LAMP3: variants seen among roughly 807,000 people sequenced by gnomAD.
LAMP3 encodes the protein lysosome-associated membrane glycoprotein 3.
Under a neutral mutation model 34.8 loss-of-function variants are expected in LAMP3, and 26 were observed. The observed-to-expected ratio is 0.75, with a 90% CI of 0.55 to 1.04. The LOEUF is 1.04. LAMP3 is among the 50% of genes least tolerant of loss of function. The probability of loss-of-function intolerance (pLI) is 0.00; values close to 1 mark genes in which losing one functional copy is unlikely to be tolerated. For synonymous variants in LAMP3, 180 were observed against 201.9 expected (o/e 0.89, Z 0.92); for missense variants, 495 against 524.0 (o/e 0.94, Z 0.54).
chr3:183,163,375 T>C (rs960686825), upstream of LAMP3, among the ~76,000 whole-genome samples: 4 of 150,806 alleles, frequency 2.7e-5, no homozygotes, highest in African/African-American at 7.3e-5. Flanking sequence ...GGATCTCGGC[T>C]CACTGCCCTG....
chr3:183,162,842 G>T, upstream of LAMP3: 2 of 547,330 alleles, frequency 3.7e-6, no homozygotes, highest in Non-Finnish European at 6.2e-6. Context: ...CTACGGAGCA[G>T]GGAGGGGCGG....
intron 5 of LAMP3, among the ~76,000 whole-genome samples, chr3:183,124,757 G>A (rs1190605858): frequency 3.3e-5 from 5 of 151,560 alleles, no homozygotes; most frequent in African/African-American, 7.3e-5. Flanking sequence ...GCTTGAACCC[G>A]GGAGGCAGAG....
chr3:183,129,862 C>T (rs933489915), intron 5 of LAMP3, among the ~76,000 whole-genome samples: 2 of 152,140 alleles, frequency 1.3e-5, no homozygotes, highest in African/African-American at 4.8e-5. Flanking sequence ...CAGGGTCTTT[C>T]AAGAAGTCAG....
intron 5 of LAMP3, among the ~76,000 whole-genome samples, chr3:183,124,795 G>T (rs573070960): frequency 9.8e-5 from 15 of 152,306 alleles, no homozygotes. Context: ...TCACACCATT[G>T]CACTCCAGCC....
chr3:183,137,462 A>C (rs1720132232), intron 4 of LAMP3, among the ~76,000 whole-genome samples: 1 of 152,214 alleles, frequency 6.6e-6, no homozygotes, highest in Non-Finnish European at 1.5e-5. Flanking sequence ...CAGAGGACCC[A>C]ACTCTCTGGT....
Position 183,122,952 on chromosome 3 carries a change from G to A in LAMP3, c.*1129C>T, listed in dbSNP as rs900910538. Reference sequence around the variant, plus strand: ...CAAGCTCTGGCTCTGCCATCAGTTAGCCAGGTGACATTTAAGTGATTCAGT... The same window carrying A: ...CAAGCTCTGGCTCTGCCATCAGTTAACCAGGTGACATTTAAGTGATTCAGT... On this transcript the variant is annotated 3_prime_UTR_variant, in exon 6 of 6. Coordinates refer to ENST00000265598, the MANE Select transcript of LAMP3 (RefSeq NM_014398.4). 2 of 152,320 alleles carry A rather than the reference G, an allele frequency of 1.3e-5. No individual in the cohort carries two copies. Among genetic ancestry groups the A allele is most frequent in the East Asian group, 1.9e-4 (1 of 5,182 alleles). 9.4% of individuals were successfully genotyped at this position (152,320 alleles called of 1,614,324 possible).
At chr3:183,160,366 G>A (rs1720941801) in intron 1 of LAMP3, among the ~76,000 whole-genome samples, 1 of 152,176 alleles carries the variant, frequency 6.6e-6, no homozygotes, top group Non-Finnish European at 1.5e-5. Context: ...GCACAGTAGC[G>A]TAGAGCCTGA....
Position 183,153,770 on chromosome 3 carries a change from T to C in LAMP3, c.671A>G (p.Lys224Arg). ...PTLAPQPSSV[K>R]TGIYQVLNGS... ...GTTTAGAACCTGATAAATTCCAGTC[T>C]TGACTGACGATGGCTGAGGTGCAAG... The change falls in exon 2 of 6, where the codon AAG becomes AGG. Residue 224 changes from lysine to arginine, a missense_variant. Lys to Arg is a conservative substitution (Grantham distance 26). Transcript: ENST00000265598. The C allele has an allele frequency of 6.4e-7, 1 of 1,569,400 alleles. No individual in the cohort carries two copies. Among genetic ancestry groups the C allele is most frequent in the Non-Finnish European group, 8.6e-7 (1 of 1,158,448 alleles).
rs1392004642 is a variant in LAMP3, at chr3:183,153,696, G to T, written c.745C>A (p.Gln249Lys). The part of the protein sequence containing the change: ...KAEMGIQLIV[Q>K]DKESVFSPRR... Reference sequence around the variant, plus strand: ...CCCCAACTTACCGACTCCTTGTCTTGAACAATCAGCTGTATCCCCATCTCT... The same window carrying T: ...CCCCAACTTACCGACTCCTTGTCTTTAACAATCAGCTGTATCCCCATCTCT... Residue 249 changes from glutamine to lysine, a missense_variant, in exon 2 of 6, where the codon CAA becomes AAA. Coordinates refer to ENST00000265598, the MANE Select transcript of LAMP3 (RefSeq NM_014398.4). The T allele has an allele frequency of 6.6e-7, 1 of 1,516,738 alleles. No homozygotes were observed. The highest frequency in any genetic ancestry group is 1.3e-5 in the South Asian group (1 of 74,790). The allele number at this position is 1,516,738 out of a possible 1,614,324, so 94.0% of individuals were successfully genotyped here. A position where few individuals can be genotyped will look rare whatever the true frequency, so the allele number is the denominator to read the frequency against.
chr3:183,127,958 C>T (rs1041783164), intron 5 of LAMP3, among the ~76,000 whole-genome samples: 17 of 151,912 alleles, frequency 1.1e-4, no homozygotes, highest in African/African-American at 3.1e-4. Context: ...AGTGAAACCC[C>T]GTCTCTACTA....
rs1719731074 is a variant in LAMP3, at chr3:183,124,212, C to T, written c.1120G>A (p.Asp374Asn). Residue 374 changes from aspartate to asparagine, a missense_variant and splice_region_variant, in exon 6 of 6, where the codon GAT becomes AAT. Physicochemically the swap from Asp to Asn is conservative, Grantham distance 23. Coordinates refer to ENST00000265598, the MANE Select transcript of LAMP3 (RefSeq NM_014398.4). ...ATTGTGTAGTCAGACGAGCACTCAT[C>T]CACTAAGAGAGAAAACAAATACAAT... ...DFEDDHFGNVDECSSDYTIVL... is the reference protein window; with the variant it reads ...DFEDDHFGNVNECSSDYTIVL... The T allele has an allele frequency of 1.9e-6, 3 of 1,574,040 alleles. No homozygotes were observed. In the South Asian group the frequency reaches 3.5e-5, roughly 18 times the overall value.
chr3:183,160,698 G>A (rs564518988), intron 1 of LAMP3, among the ~76,000 whole-genome samples: 5 of 152,294 alleles, frequency 3.3e-5, no homozygotes, highest in Admixed American at 3.3e-4. Context: ...TAGGTAAGTA[G>A]ATGTATGAGT....
At chr3:183,157,953 T>C (rs1359945575) in intron 1 of LAMP3, among the ~76,000 whole-genome samples, 1 of 152,088 alleles carries the variant, frequency 6.6e-6, no homozygotes, top group Non-Finnish European at 1.5e-5. Flanking sequence ...GCAGTTGAGA[T>C]GTCTTGATAC....
intron 5 of LAMP3, among the ~76,000 whole-genome samples, chr3:183,128,307 T>G (rs2108594864): frequency 6.6e-6 from 1 of 152,338 alleles, no homozygotes; most frequent in Admixed American, 6.5e-5. Flanking sequence ...CCTTAGTTCT[T>G]GTTTATATTT....
At chr3:183,150,831 G>A (rs1720608736) in intron 3 of LAMP3, among the ~76,000 whole-genome samples, 1 of 152,040 alleles carries the variant, frequency 6.6e-6, no homozygotes, top group African/African-American at 2.4e-5. Context: ...CCAGCCCAGG[G>A]ACTTTTAAAG....
intron 2 of LAMP3, among the ~76,000 whole-genome samples, chr3:183,153,222 T>C (rs1560314629): frequency 6.6e-6 from 1 of 151,626 alleles, no homozygotes; most frequent in Non-Finnish European, 1.5e-5. Flanking sequence ...GTGATTCCTT[T>C]AGTATATCAA....
chr3:183,161,502 TG>T (rs1272224047), intron 1 of LAMP3, among the ~76,000 whole-genome samples: 1 of 152,174 alleles, frequency 6.6e-6, no homozygotes, highest in Non-Finnish European at 1.5e-5. Flanking sequence ...GTGATTCTCC[TG>T]CCTCAGTCTC....
intron 5 of LAMP3, among the ~76,000 whole-genome samples, chr3:183,135,429 G>C (rs1720051591): frequency 6.6e-6 from 1 of 152,198 alleles, no homozygotes; most frequent in South Asian, 2.1e-4. Flanking sequence ...GGAAGTCGCA[G>C]GTGGTATTTC....
chr3:183,144,919 G>A (rs573978414), intron 3 of LAMP3, among the ~76,000 whole-genome samples: 3 of 152,178 alleles, frequency 2.0e-5, no homozygotes, highest in South Asian at 4.2e-4. Context: ...AACAAAAAAA[G>A]CTCTGGGGAA....
Sources: allele counts gnomAD v4.1 joint callset (sites outside exome capture counted in the v4.1 genomes callset), GRCh38; gene constraint gnomAD v4.1.1; transcripts MANE v1.5; gene names NCBI Gene and HGNC (gene_info 2026-07-23, HGNC 2026-07-21).